Variants in SORBS3 observed in about 807,000 individuals in gnomAD.
The protein encoded by SORBS3 is vinexin.
A neutral mutation model predicts 98.0 loss-of-function variants in SORBS3; 69 were observed. The observed-to-expected ratio is 0.70, with a 90% CI of 0.58 to 0.86. The LOEUF (loss-of-function observed/expected upper bound fraction) is 0.86. Ranked by LOEUF, SORBS3 falls within the 40% of genes least tolerant of loss-of-function variation. The pLI is 0.00. For missense variants in SORBS3, 954 were observed against 908.5 expected (o/e 1.05, Z -0.64); for synonymous variants, 394 against 355.4 (o/e 1.11, Z -1.22).
chr8:22,572,468 G>A, intron 20 of SORBS3, 22 bp downstream of exon 20: 2 of 1,553,316 alleles, frequency 1.3e-6, no homozygotes, highest in Non-Finnish European at 1.8e-6. Context: ...GGCCGGGAGG[G>A]GGCATCTCAG....
chr8:22,545,238 T>G (rs1840004919), intron 1 of SORBS3: 1 of 152,328 alleles, frequency 6.6e-6, no homozygotes. Context: ...AGTATTGCTG[T>G]GATGAGACGC....
At chr8:22,562,050 G>T (rs1235484927) in intron 7 of SORBS3, 119 bp downstream of exon 7, 3 of 882,034 alleles carry the variant, frequency 3.4e-6, no homozygotes, top group Non-Finnish European at 3.7e-6. Flanking sequence ...CAGGAGTGGG[G>T]TCTCACTTCC....
Position 22,574,914 on chromosome 8 carries a change from C to T in SORBS3, c.*186C>T, listed in dbSNP as rs144092952. On this transcript the variant is annotated 3_prime_UTR_variant, in exon 21 of 21. Coordinates refer to ENST00000240123, the MANE Select transcript of SORBS3 (RefSeq NM_005775.5). ...CCCCTGGACTGATTCCCACCCACGA[C>T]TCACAGGCATTCCTCCCACAGCCCT... is the stretch of plus-strand genomic sequence containing the variant. 483 of 697,874 alleles carry T rather than the reference C, an allele frequency of 6.9e-4. 8 individuals are homozygous for T. In the East Asian group the frequency reaches 0.012, roughly 17 times the overall value. The allele number at this position is 697,874 out of a possible 1,614,324, so 43.2% of individuals were successfully genotyped here.
Position 22,564,357 on chromosome 8 carries a change from G to C in SORBS3, c.750G>C (p.Glu250Asp). ...ESWNQFLQEL[E>D]TGQRPKKPLV... The stretch of plus-strand genomic sequence containing the variant: ...GGAACCAGTTTCTGCAGGAACTAGA[G>C]ACTGGGCAGAGGGTGAGTGCTGGCT... The change falls in exon 9 of 21, where the codon GAG becomes GAC. Residue 250 changes from glutamate to aspartate, a missense_variant. Coordinates refer to ENST00000240123, the MANE Select transcript of SORBS3 (RefSeq NM_005775.5). 1 of 1,614,072 alleles carries C rather than the reference G, an allele frequency of 6.2e-7. No individual in the cohort carries two copies. The highest frequency in any genetic ancestry group is 8.5e-7 in the Non-Finnish European group (1 of 1,179,958).
At chr8:22,555,258 G>A (rs745390978) in intron 3 of SORBS3, among the ~76,000 whole-genome samples, 7 of 152,180 alleles carry the variant, frequency 4.6e-5, no homozygotes, top group Admixed American at 3.3e-4. Flanking sequence ...CCTGGGCGCC[G>A]GAGGACCTCC....
At position 22,571,106 on chromosome 8, in the gene SORBS3, C is replaced by T. The variant is rs1483269755; in HGVS notation, c.1628C>T (p.Pro543Leu). 1 of 1,610,002 alleles carries T rather than the reference C, an allele frequency of 6.2e-7. No homozygotes were observed. The highest frequency in any genetic ancestry group is 8.5e-7 in the Non-Finnish European group (1 of 1,179,164). ...GCTGCCGCCCGCTCAGCCCGTCACC[C>T]CAGCTCCCCCTCAGCCCTGCGCAGC... is the stretch of plus-strand genomic sequence containing the variant. ...LTAAARSARH[P>L]SSPSALRSPA... The change falls in exon 18 of 21, where the codon CCC (proline) becomes CTC (leucine). Residue 543 changes from proline to leucine, a missense_variant. Coordinates refer to ENST00000240123, the MANE Select transcript of SORBS3 (RefSeq NM_005775.5).
At chr8:22,564,890 C>T in intron 10 of SORBS3, 1 of 1,038,466 alleles carries the variant, frequency 9.6e-7, no homozygotes, top group South Asian at 2.0e-5. Context: ...GCTCCGGTCC[C>T]TGGGGTGGCG....
chr8:22,569,345 A>ACTTT, intron 17 of SORBS3, 72 bp downstream of exon 17: 1 of 1,082,756 alleles, frequency 9.2e-7, no homozygotes, highest in Non-Finnish European at 1.2e-6. Flanking sequence ...CACTAAAAAC[A>ACTTT]GTTTTTTTTT....
intron 11 of SORBS3, 115 bp from the exon 12 acceptor site, chr8:22,565,711 C>T: frequency 8.1e-7 from 1 of 1,232,466 alleles, no homozygotes; most frequent in African/African-American, 1.6e-5. Context: ...TCTAGGACCC[C>T]GCGTCCCGCC....
At chr8:22,555,148 C>G (rs1840161565) in intron 3 of SORBS3, among the ~76,000 whole-genome samples, 168 bp downstream of exon 3, 1 of 152,238 alleles carries the variant, frequency 6.6e-6, no homozygotes, top group African/African-American at 2.4e-5. Context: ...CCTGCGGAGC[C>G]TGCTGACTCT....
chr8:22,566,357 C>A lies in SORBS3; in HGVS notation c.963C>A (p.Ala321=), dbSNP rs1423908445. 13 of 1,613,556 alleles carry A rather than the reference C, an allele frequency of 8.1e-6. No homozygotes were observed. The East Asian group carries it at 2.7e-4, about 33-fold the overall frequency. ...GTGCCCCGTGCAGCCCGGCCTCAGC[C>A]TGGAGCTCCAGCTACCCACATGCAC... ...EQRPPAGPAS[A]WSSSYPHAPY... is the part of the protein sequence containing the mutation. The change falls in exon 13 of 21, where the codon GCC becomes GCA. Residue 321 remains alanine, a synonymous_variant. Coordinates refer to ENST00000240123, the MANE Select transcript of SORBS3 (RefSeq NM_005775.5).
intron 7 of SORBS3, among the ~76,000 whole-genome samples, 196 bp downstream of exon 7, chr8:22,562,127 G>T (rs1840310196): frequency 1.3e-5 from 2 of 152,230 alleles, no homozygotes; most frequent in Non-Finnish European, 2.9e-5. Context: ...TCCCTACAGG[G>T]TCAAGGGGGG....
At chr8:22,566,280 C>T in intron 12 of SORBS3, 65 bp from the exon 13 acceptor site, 1 of 1,576,300 alleles carries the variant, frequency 6.3e-7, no homozygotes, top group East Asian at 2.2e-5. Flanking sequence ...TCAGAGCGGT[C>T]TAGGGGTGAC....
intron 5 of SORBS3, among the ~76,000 whole-genome samples, chr8:22,558,975 G>A (rs767342674): frequency 3.9e-5 from 6 of 152,266 alleles, no homozygotes; most frequent in Non-Finnish European, 7.3e-5. Context: ...GGGAGATGGA[G>A]TCAGAGAGGT....
rs142500132 is a variant in SORBS3 at position 22,574,893 on chromosome 8, T to A, written c.*165T>A. ...CCCTCGGACCCCCCTCGAAGCCCCC[T>A]GGACTGATTCCCACCCACGACTCAC... On this transcript the variant is annotated 3_prime_UTR_variant, in exon 21 of 21. Transcript: ENST00000240123. The A allele has an allele frequency of 5.4e-4, 365 of 675,716 alleles. 1 individual carries two copies. Among genetic ancestry groups the A allele is most frequent in the Non-Finnish European group, 8.6e-4 (329 of 381,788 alleles). The allele number at this position is 675,716 out of a possible 1,614,324, so 41.9% of individuals were successfully genotyped here. A position where few individuals can be genotyped will look rare whatever the true frequency, so the allele number is the denominator to read the frequency against.
intron 20 of SORBS3, among the ~76,000 whole-genome samples, chr8:22,574,162 C>T (rs1179181430): frequency 2.0e-5 from 3 of 150,776 alleles, no homozygotes; most frequent in Admixed American, 6.6e-5. Context: ...ATGCTTTGCC[C>T]GCTGGGGTTC....
At chr8:22,565,733 C>G (rs1482799593) in intron 11 of SORBS3, 93 bp from the exon 12 acceptor site, 2 of 1,266,026 alleles carry the variant, frequency 1.6e-6, no homozygotes, top group Non-Finnish European at 2.0e-6. Flanking sequence ...GCTCTCCTCC[C>G]CTCCCGAGCC....
intron 8 of SORBS3, 90 bp downstream of exon 8, chr8:22,564,167 C>T (rs1840354013): frequency 6.0e-6 from 9 of 1,508,104 alleles, no homozygotes; most frequent in Non-Finnish European, 6.4e-6. Flanking sequence ...GCTTGAATCC[C>T]TTGGAGGACA....
At chr8:22,570,683 G>A (rs1009454450) in intron 17 of SORBS3, among the ~76,000 whole-genome samples, 3 of 152,190 alleles carry the variant, frequency 2.0e-5, no homozygotes, top group African/African-American at 7.2e-5. Context: ...CACCCGTTGA[G>A]CTTCCAAGAG....
Sources: gnomAD v4.1 joint callset for allele counts (sites outside exome capture counted in the v4.1 genomes callset) on GRCh38, gnomAD v4.1.1 for gene constraint, MANE v1.5 for transcripts, NCBI Gene and HGNC (gene_info 2026-07-23, HGNC 2026-07-21) for gene names.